FHIP1A: variants seen among roughly 807,000 people sequenced by gnomAD.
The protein encoded by FHIP1A is FHF complex subunit HOOK-interacting protein 1A.
A neutral mutation model predicts 88.6 loss-of-function variants in FHIP1A; 61 were observed. The ratio of observed to expected loss-of-function variants is 0.69; its 90% confidence interval spans 0.56 to 0.85. FHIP1A has a LOEUF of 0.85. Among genes scored for constraint, FHIP1A ranks in the 40% least tolerant of loss-of-function variants. The pLI, the probability that FHIP1A is intolerant of heterozygous loss-of-function variation, is 0.00. For missense variants in FHIP1A, 1,154 were observed against 1,273.5 expected (o/e 0.91, Z 1.43); for synonymous variants, 478 against 496.0 (o/e 0.96, Z 0.48).
intron 2 of FHIP1A, among the ~76,000 whole-genome samples, chr4:151,464,053 T>G (rs1420776325): frequency 1.3e-5 from 2 of 152,134 alleles, no homozygotes; most frequent in Non-Finnish European, 2.9e-5. Flanking sequence ...TTACTTATTT[T>G]TTACCCTTTT....
chr4:151,446,282 C>A (rs1354122713), intron 1 of FHIP1A, among the ~76,000 whole-genome samples: 1 of 152,116 alleles, frequency 6.6e-6, no homozygotes, highest in Admixed American at 6.6e-5. Flanking sequence ...CCTTAACTTT[C>A]ATTTTTAAGG....
intron 3 of FHIP1A, among the ~76,000 whole-genome samples, chr4:151,503,681 C>T (rs1287173167): frequency 6.6e-6 from 1 of 152,142 alleles, no homozygotes; most frequent in Non-Finnish European, 1.5e-5. Flanking sequence ...GTTACAATCC[C>T]ACAAATGAAA....
chr4:151,427,028 ATTCATGC>A (rs1249939924), intron 1 of FHIP1A, among the ~76,000 whole-genome samples: 1 of 152,164 alleles, frequency 6.6e-6, no homozygotes, highest in African/African-American at 2.4e-5. Context: ...CACATGCCCA[ATTCATGC>A]TTCAGCATAT....
intron 3 of FHIP1A, among the ~76,000 whole-genome samples, chr4:151,545,716 C>G (rs533619159): frequency 6.6e-6 from 1 of 151,988 alleles, no homozygotes; most frequent in South Asian, 2.1e-4. Context: ...CTATCTATAT[C>G]CCTCCTCTTG....
intron 7 of FHIP1A, among the ~76,000 whole-genome samples, chr4:151,593,399 A>T (rs1734517952): frequency 6.6e-6 from 1 of 151,958 alleles, no homozygotes; most frequent in Non-Finnish European, 1.5e-5. Flanking sequence ...CCATGAGCAT[A>T]GAATGTTTTT....
At chr4:151,629,992 G>A (rs1188151532) in intron 8 of FHIP1A, 123 bp downstream of exon 8, 1 of 854,114 alleles carries the variant, frequency 1.2e-6, no homozygotes, top group Non-Finnish European at 1.7e-6. Flanking sequence ...TTCTTTTTTG[G>A]TTGTTGTTGT....
At chr4:151,521,029 A>G (rs567661854) in intron 3 of FHIP1A, among the ~76,000 whole-genome samples, 15 of 152,336 alleles carry the variant, frequency 9.8e-5, no homozygotes, top group African/African-American at 3.4e-4. Context: ...CACATGTCCT[A>G]TGTATTGTCA....
rs1240666051 is a variant in FHIP1A at position 151,526,482 on chromosome 4, G to C, written c.-122-39656G>C. ...CCGGATGAGGCGGCTGGCCGGGCGG[G>C]GGGCTGACCCCCCCACCTCCCTCCC... On this transcript the variant is annotated intron_variant, in intron 3 of 13. Transcript: ENST00000435205. Among the ~76,000 whole-genome samples the C allele has an allele frequency of 4.1e-5, 6 of 147,122 alleles. 1 individual carries two copies. The highest frequency in any genetic ancestry group is 6.0e-5 in the Non-Finnish European group (4 of 67,010).
intron 3 of FHIP1A, among the ~76,000 whole-genome samples, chr4:151,561,554 G>A (rs529106403): frequency 6.6e-6 from 1 of 152,222 alleles, no homozygotes; most frequent in African/African-American, 2.4e-5. Flanking sequence ...TTATAATTGA[G>A]GGCACAAGGT....
intron 1 of FHIP1A, among the ~76,000 whole-genome samples, chr4:151,420,422 A>T (rs1379533050): frequency 6.6e-6 from 1 of 152,098 alleles, no homozygotes; most frequent in Non-Finnish European, 1.5e-5. Flanking sequence ...ATTCTTGAAC[A>T]CACCCTACCT....
intron 3 of FHIP1A, among the ~76,000 whole-genome samples, chr4:151,539,892 A>G (rs1156267280): frequency 1.3e-5 from 2 of 152,246 alleles, no homozygotes; most frequent in Non-Finnish European, 2.9e-5. Flanking sequence ...TTGCCATAAG[A>G]TATTGGTGTC....
chr4:151,554,056 C>G (rs552563543), intron 3 of FHIP1A, among the ~76,000 whole-genome samples: 1 of 152,142 alleles, frequency 6.6e-6, no homozygotes, highest in African/African-American at 2.4e-5. Context: ...ACTCTTGGCT[C>G]CCATCCAGTC....
intron 3 of FHIP1A, among the ~76,000 whole-genome samples, chr4:151,524,409 T>A (rs1236239511): frequency 6.6e-6 from 1 of 152,166 alleles, no homozygotes; most frequent in Non-Finnish European, 1.5e-5. Context: ...AACCTCAGCA[T>A]CTTCATTTTA....
chr4:151,629,090 G>C (rs893642717), intron 7 of FHIP1A, among the ~76,000 whole-genome samples: 10 of 152,146 alleles, frequency 6.6e-5, no homozygotes, highest in Admixed American at 2.0e-4. Context: ...AGTTCTTATA[G>C]TACTTTGTAA....
chr4:151,581,784 G>GT (rs1734034808), intron 5 of FHIP1A, among the ~76,000 whole-genome samples: 1 of 152,130 alleles, frequency 6.6e-6, no homozygotes, highest in Admixed American at 6.6e-5. Context: ...TCTCTAATTA[G>GT]TATGATTGTC....
At chr4:151,416,221 T>C (rs1732885498) in intron 1 of FHIP1A, among the ~76,000 whole-genome samples, 1 of 152,190 alleles carries the variant, frequency 6.6e-6, no homozygotes, top group African/African-American at 2.4e-5. Context: ...GGTGGGAACA[T>C]TTCAGGAATT....
chr4:151,504,214 T>C (rs947033854), intron 3 of FHIP1A, among the ~76,000 whole-genome samples: 5 of 152,202 alleles, frequency 3.3e-5, no homozygotes, highest in African/African-American at 1.2e-4. Context: ...AACTCACTTA[T>C]CCTCAAACAT....
intron 3 of FHIP1A, among the ~76,000 whole-genome samples, chr4:151,491,969 A>G (rs561272052): frequency 1.3e-5 from 2 of 152,302 alleles, no homozygotes; most frequent in South Asian, 4.2e-4. Flanking sequence ...CTAAATATAT[A>G]TGCACCTAAC....
intron 3 of FHIP1A, among the ~76,000 whole-genome samples, chr4:151,524,645 C>T (rs1471812793): frequency 6.6e-6 from 1 of 152,176 alleles, no homozygotes; most frequent in Non-Finnish European, 1.5e-5. Context: ...TAATGGGTAA[C>T]AACAGTGGTT....
Sources: gnomAD v4.1 joint callset for allele counts (sites outside exome capture counted in the v4.1 genomes callset) on GRCh38, gnomAD v4.1.1 for gene constraint, MANE v1.5 for transcripts, NCBI Gene and HGNC (gene_info 2026-07-23, HGNC 2026-07-21) for gene names.